IL1RAP: variants seen among roughly 807,000 people sequenced by gnomAD.
IL1RAP encodes the protein interleukin 1 receptor accessory protein.
Under a neutral mutation model 60.7 loss-of-function variants are expected in IL1RAP, and 35 were observed. The ratio of observed to expected loss-of-function variants is 0.58; its 90% CI spans 0.44 to 0.76. IL1RAP has a LOEUF of 0.76. Ranked by LOEUF, IL1RAP falls within the 30% of genes least tolerant of loss-of-function variation. The pLI is 0.00. For missense variants in IL1RAP, 572 were observed against 693.9 expected (o/e 0.82, Z 1.97); for synonymous variants, 268 against 250.9 (o/e 1.07, Z -0.64).
intron 9 of IL1RAP, among the ~76,000 whole-genome samples, chr3:190,638,236 A>G (rs1389929335): frequency 6.6e-6 from 1 of 152,010 alleles, no homozygotes; most frequent in Non-Finnish European, 1.5e-5. Context: ...GTATCATTCC[A>G]TATTCCACCA....
chr3:190,653,670 CAACATGACTTCA>C (rs1483319793), downstream of IL1RAP, among the ~76,000 whole-genome samples: 8 of 152,002 alleles, frequency 5.3e-5, no homozygotes, highest in Admixed American at 5.2e-4. Context: ...CTCAGTCATA[CAACATGACTTCA>C]AAGCCAATTT....
intron 3 of IL1RAP, among the ~76,000 whole-genome samples, chr3:190,583,388 A>G (rs571156958): frequency 3.3e-5 from 5 of 152,356 alleles, no homozygotes; most frequent in Non-Finnish European, 7.3e-5. Flanking sequence ...AACAAGGTAT[A>G]TATGCCAGAG....
chr3:190,645,712 T>C lies in IL1RAP; in HGVS notation c.1215T>C (p.Tyr405=), dbSNP rs1202670899. The change falls in exon 11 of 12, where the codon TAT becomes TAC. Residue 405 remains tyrosine, a synonymous_variant. Coordinates refer to ENST00000447382, the MANE Select transcript of IL1RAP (RefSeq NM_002182.4). Reference sequence around the variant, plus strand: ...TCCTTTTGCTAGATGGAAAAGAGTATGATATTTATGTATCCTATGCAAGGA... The same window carrying C: ...TCCTTTTGCTAGATGGAAAAGAGTACGATATTTATGTATCCTATGCAAGGA... ...TDETILDGKE[Y]DIYVSYARNA... 6.2e-7 allele frequency: 1 copy of C among 1,611,472 alleles called. No homozygotes were observed.
At chr3:190,647,352 T>C (rs1372610950) in intron 11 of IL1RAP, among the ~76,000 whole-genome samples, 1 of 152,182 alleles carries the variant, frequency 6.6e-6, no homozygotes, top group Non-Finnish European at 1.5e-5. Flanking sequence ...GATATAAGTT[T>C]CCACAATTCT....
chr3:190,565,714 G>A (rs969815459), intron 3 of IL1RAP, among the ~76,000 whole-genome samples: 1 of 152,104 alleles, frequency 6.6e-6, no homozygotes, highest in African/African-American at 2.4e-5. Context: ...TGTCCTGCTT[G>A]GTTAGGTGTC....
downstream of IL1RAP, among the ~76,000 whole-genome samples, chr3:190,653,304 T>C (rs149877843): frequency 2.6e-5 from 4 of 152,340 alleles, no homozygotes; most frequent in Non-Finnish European, 2.9e-5. Flanking sequence ...GTGTACTGTG[T>C]GCTAGAAATT....
At chr3:190,597,713 AGTCT>A (rs1302821241) in intron 3 of IL1RAP, among the ~76,000 whole-genome samples, 1 of 152,184 alleles carries the variant, frequency 6.6e-6, no homozygotes, top group Admixed American at 6.5e-5. Context: ...TCTCTACCAT[AGTCT>A]GTTCTCGTGA....
chr3:190,618,318 G>A lies in IL1RAP; in HGVS notation c.538-1957G>A, dbSNP rs78128306. On this transcript the variant is annotated intron_variant, in intron 5 of 11. Coordinates refer to ENST00000447382, the MANE Select transcript of IL1RAP (RefSeq NM_002182.4). ...GGTAAAAGCATTACAAACTTTACAT[G>A]TTTGGAATAAGGATCAGACGAGACA... Among the ~76,000 whole-genome samples the A allele has an allele frequency of 2.1e-3, 315 of 152,304 alleles. 2 individuals carry two copies. The highest frequency in any genetic ancestry group is 7.0e-3 in the African/African-American group (291 of 41,556).
intron 3 of IL1RAP, among the ~76,000 whole-genome samples, chr3:190,601,023 C>T (rs1217512451): frequency 6.6e-6 from 1 of 152,176 alleles, no homozygotes; most frequent in East Asian, 1.9e-4. Context: ...CTTGCTCTCT[C>T]ACCCAGGCTG....
At chr3:190,655,737 T>C (rs1160168255), downstream of IL1RAP, among the ~76,000 whole-genome samples, 3 of 152,148 alleles carry the variant, frequency 2.0e-5, no homozygotes, top group African/African-American at 7.2e-5. Context: ...AAGAGTGGTG[T>C]AGATTTTTTT....
intron 1 of IL1RAP, among the ~76,000 whole-genome samples, chr3:190,546,502 G>A (rs1256082449): frequency 6.6e-6 from 1 of 152,212 alleles, no homozygotes; most frequent in Non-Finnish European, 1.5e-5. Context: ...ATAATAGCAT[G>A]AGCAAACACA....
At chr3:190,541,481 T>C (rs553470797) in intron 1 of IL1RAP, among the ~76,000 whole-genome samples, 1 of 152,278 alleles carries the variant, frequency 6.6e-6, no homozygotes, top group South Asian at 2.1e-4. Context: ...TATGTTTAAC[T>C]AAGCAGTTCA....
intron 1 of IL1RAP, chr3:190,518,798 G>C (rs1488379341): frequency 6.6e-6 from 1 of 152,214 alleles, no homozygotes; most frequent in Non-Finnish European, 1.5e-5. Flanking sequence ...AATAGCATGG[G>C]ACAGACCTAC....
At chr3:190,541,768 C>G (rs376202161) in intron 1 of IL1RAP, among the ~76,000 whole-genome samples, 1 of 152,142 alleles carries the variant, frequency 6.6e-6, no homozygotes, top group Non-Finnish European at 1.5e-5. Flanking sequence ...TAAACATTAA[C>G]TTCTGAGTCT....
intron 1 of IL1RAP, among the ~76,000 whole-genome samples, chr3:190,553,775 G>C (rs1347686817): frequency 6.6e-6 from 1 of 152,110 alleles, no homozygotes; most frequent in Non-Finnish European, 1.5e-5. Flanking sequence ...AAATGAGAGG[G>C]AAAGGCCGGG....
chr3:190,603,600 A>G (rs892638856), intron 3 of IL1RAP, among the ~76,000 whole-genome samples: 3 of 152,240 alleles, frequency 2.0e-5, no homozygotes, highest in Non-Finnish European at 4.4e-5. Context: ...GTTTAACAAA[A>G]TATTAAAATT....
intron 1 of IL1RAP, among the ~76,000 whole-genome samples, chr3:190,542,879 A>ATTTTTT (rs66937098): frequency 9.5e-6 from 1 of 104,806 alleles, no homozygotes. Context: ...GATTAAGGGA[A>ATTTTTT]TTTTTTTTTT....
At chr3:190,654,064 C>G (rs552412102), downstream of IL1RAP, among the ~76,000 whole-genome samples, 86 of 152,136 alleles carry the variant, frequency 5.7e-4, no homozygotes, top group African/African-American at 2.0e-3. Flanking sequence ...AATTAAAGAG[C>G]AACAGACTCA....
intron 3 of IL1RAP, among the ~76,000 whole-genome samples, chr3:190,583,999 C>G (rs1254803098): frequency 6.6e-6 from 1 of 152,146 alleles, no homozygotes; most frequent in Non-Finnish European, 1.5e-5. Flanking sequence ...AGTTTAGGTA[C>G]AGAAAGTCCC....
Sources: allele counts gnomAD v4.1 joint callset (sites outside exome capture counted in the v4.1 genomes callset), GRCh38; gene constraint gnomAD v4.1.1; transcripts MANE v1.5; gene names NCBI Gene and HGNC (gene_info 2026-07-23, HGNC 2026-07-21).